SEL1L: variants seen among roughly 807,000 people sequenced by gnomAD.
SEL1L encodes the protein SEL1L adaptor subunit of SYVN1 ubiquitin ligase.
SEL1L carries 52 observed loss-of-function variants against 109.8 expected under a neutral mutation model. The observed-to-expected ratio is 0.47, with a 90% CI of 0.38 to 0.60. SEL1L has a LOEUF of 0.60. SEL1L is among the 20% of genes least tolerant of loss of function. The pLI is 0.00. For synonymous variants in SEL1L, 373 were observed against 339.6 expected, an observed-to-expected ratio of 1.10 and a Z score of -1.08; for missense variants, 749 against 962.2, an observed-to-expected ratio of 0.78 and a Z score of 2.93.
intron 11 of SEL1L, among the ~76,000 whole-genome samples, chr14:81,493,948 T>C (rs1479903120): frequency 1.3e-5 from 2 of 152,224 alleles, no homozygotes; most frequent in African/African-American, 2.4e-5. Flanking sequence ...AGTTGACTTC[T>C]GAACATTAAA....
At chr14:81,533,254 C>G (rs1049654002) in intron 1 of SEL1L, among the ~76,000 whole-genome samples, 1 of 152,186 alleles carries the variant, frequency 6.6e-6, no homozygotes, top group African/African-American at 2.4e-5. Flanking sequence ...TGGATGGATC[C>G]TCCTCTGCCC....
chr14:81,498,332 T>G, intron 9 of SEL1L, 81 bp downstream of exon 9: 1 of 1,197,982 alleles, frequency 8.3e-7, no homozygotes, highest in Non-Finnish European at 1.2e-6. Context: ...ATACTTCAAA[T>G]AGAACAATAA....
intron 20 of SEL1L, among the ~76,000 whole-genome samples, chr14:81,478,901 T>G (rs919757173): frequency 6.6e-6 from 1 of 152,358 alleles, no homozygotes; most frequent in South Asian, 2.1e-4. Flanking sequence ...GAAGAAACTT[T>G]CCTTGTCCTG....
At chr14:81,480,899 CCA>C (rs1903334603) in intron 19 of SEL1L, among the ~76,000 whole-genome samples, 2 of 152,130 alleles carry the variant, frequency 1.3e-5, no homozygotes, top group South Asian at 4.2e-4. Flanking sequence ...CTTATCTACC[CCA>C]CTCTTTCCTC....
At chr14:81,493,693 G>C (rs1436153611) in intron 11 of SEL1L, among the ~76,000 whole-genome samples, 1 of 152,094 alleles carries the variant, frequency 6.6e-6, no homozygotes, top group Non-Finnish European at 1.5e-5. Flanking sequence ...CTGCAATCTA[G>C]TCTTAATTGG....
At chr14:81,477,544 G>A (rs916102020) in intron 20 of SEL1L, among the ~76,000 whole-genome samples, 5 of 152,276 alleles carry the variant, frequency 3.3e-5, no homozygotes, top group Middle Eastern at 6.8e-3. Flanking sequence ...AGGCGCGGGG[G>A]CTCAGGCCTT....
intron 10 of SEL1L, among the ~76,000 whole-genome samples, 174 bp from the exon 11 acceptor site, chr14:81,495,311 T>C (rs1440772910): frequency 6.6e-6 from 1 of 152,186 alleles, no homozygotes; most frequent in Non-Finnish European, 1.5e-5. Context: ...ACCTAAAAAT[T>C]TTGAAAAGTA....
rs1016220513 is a variant in SEL1L at position 81,488,578 on chromosome 14, G to C, written c.1396-636C>G. On this transcript the variant is annotated intron_variant, in intron 14 of 20. Transcript: ENST00000336735. ...GAAAGATCAAATAGAGAAGGAAACTGCAACGTGAATCCAGGGACATCCAAC... is the reference window on the plus strand; with the variant it reads ...GAAAGATCAAATAGAGAAGGAAACTCCAACGTGAATCCAGGGACATCCAAC... Among the ~76,000 whole-genome samples, 46 of 152,310 alleles carry C rather than the reference G, an allele frequency of 3.0e-4. 1 individual carries two copies. Among genetic ancestry groups the C allele is most frequent in the Non-Finnish European group, 8.8e-5 (6 of 68,016 alleles).
chr14:81,478,968 T>A (rs1453502994), intron 20 of SEL1L, among the ~76,000 whole-genome samples: 2 of 152,166 alleles, frequency 1.3e-5, no homozygotes, highest in African/African-American at 2.4e-5. Flanking sequence ...CAGAGTGAAA[T>A]GCTCTACCAG....
At chr14:81,486,155 A>G in intron 17 of SEL1L, 134 bp downstream of exon 17, 1 of 857,878 alleles carries the variant, frequency 1.2e-6, no homozygotes, top group South Asian at 1.9e-5. Context: ...TTAATAACTT[A>G]AGCCTGTGTG....
At position 81,487,423 on chromosome 14, in the gene SEL1L, G is replaced by A. The variant is rs984202001; in HGVS notation, c.1599C>T (p.Thr533=). The change falls in exon 16 of 21, where the codon ACC becomes ACT. Residue 533 remains threonine, a synonymous_variant. Transcript: ENST00000336735. ...CAGTGTGACATGATCGCATCACGCC[G>A]GTGCCACTGGCATGCATCTGAGCTA... ...YNLAQMHASG[T]GVMRSCHTAV... 5.6e-6 allele frequency: 9 copies of A among 1,599,000 alleles called. No individual in the cohort carries two copies. Among genetic ancestry groups the A allele is most frequent in the Admixed American group, 1.8e-5 (1 of 54,642 alleles).
chr14:81,479,590 A>C, intron 20 of SEL1L, 22 bp downstream of exon 20: 1 of 1,582,502 alleles, frequency 6.3e-7, no homozygotes. Flanking sequence ...TATTTTAATG[A>C]AAAGAGGTAC....
intron 18 of SEL1L, among the ~76,000 whole-genome samples, chr14:81,484,961 G>A (rs940074940): frequency 6.6e-6 from 1 of 152,170 alleles, no homozygotes; most frequent in Non-Finnish European, 1.5e-5. Flanking sequence ...AAATAGTCCA[G>A]CTTGACCATT....
chr14:81,507,215 A>G (rs1162704607), intron 3 of SEL1L, among the ~76,000 whole-genome samples: 1 of 152,228 alleles, frequency 6.6e-6, no homozygotes, highest in East Asian at 1.9e-4. Context: ...AAACTCACTG[A>G]AAAGTTTTGC....
chr14:81,509,941 T>G (rs1210528333), intron 3 of SEL1L, among the ~76,000 whole-genome samples: 1 of 152,150 alleles, frequency 6.6e-6, no homozygotes, highest in African/African-American at 2.4e-5. Flanking sequence ...GATAGGAAAC[T>G]GGGTAAATAC....
At chr14:81,502,987 A>T in intron 5 of SEL1L, 104 bp from the exon 6 acceptor site, 1 of 895,734 alleles carries the variant, frequency 1.1e-6, no homozygotes, top group Non-Finnish European at 1.7e-6. Flanking sequence ...CTTATGTTAC[A>T]AAACCCCTTT....
intron 1 of SEL1L, among the ~76,000 whole-genome samples, chr14:81,529,650 C>T (rs533667170): frequency 2.6e-5 from 4 of 152,314 alleles, no homozygotes; most frequent in East Asian, 3.9e-4. Flanking sequence ...TTGCATCATG[C>T]TTCTCTTTCT....
chr14:81,472,562 A>G lies in SEL1L; in HGVS notation c.*4410T>C. 1 of 454,246 alleles carries G rather than the reference A, an allele frequency of 2.2e-6. No individual in the cohort carries two copies. Among genetic ancestry groups the G allele is most frequent in the Non-Finnish European group, 4.4e-6 (1 of 228,804 alleles). 28.1% of individuals were successfully genotyped at this position (454,246 alleles called of 1,614,324 possible). On this transcript the variant is annotated 3_prime_UTR_variant, in exon 21 of 21. Coordinates refer to ENST00000336735, the MANE Select transcript of SEL1L (RefSeq NM_005065.6). The stretch of plus-strand genomic sequence containing the variant: ...GTTACTGTGTGGTACGTGTCTCTGC[A>G]AGTCCTCTTAAAAAATTCCTGGGAC...
intron 5 of SEL1L, among the ~76,000 whole-genome samples, chr14:81,503,138 G>A (rs192515652): frequency 3.8e-4 from 58 of 151,128 alleles, no homozygotes; most frequent in East Asian, 2.2e-3. Context: ...GATTACAGGC[G>A]TGCGCCACCG....
Sources: allele counts gnomAD v4.1 joint callset (sites outside exome capture counted in the v4.1 genomes callset), GRCh38; gene constraint gnomAD v4.1.1; transcripts MANE v1.5; gene names NCBI Gene and HGNC (gene_info 2026-07-23, HGNC 2026-07-21).